Variants in ATM observed in about 807,000 individuals in gnomAD.
ATM encodes ATM serine/threonine kinase, also known as serine-protein kinase ATM.
ATM carries 308 observed loss-of-function variants against 387.0 expected under a neutral mutation model. The ratio of observed to expected loss-of-function variants is 0.80; its 90% CI spans 0.73 to 0.87. The LOEUF is 0.87. ATM is among the 40% of genes least tolerant of loss of function. ATM has a pLI of 0.00. For synonymous variants in ATM, 1,156 were observed against 1,187.3 expected, an observed-to-expected ratio of 0.97 and a Z score of 0.54; for missense variants, 3,312 against 3,560.9, an observed-to-expected ratio of 0.93 and a Z score of 1.78.
Position 108,247,085 on chromosome 11 carries a change from C to T in ATM, c.1023C>T (p.Val341=), listed in dbSNP as rs35728619. 9 of 1,613,502 alleles carry T rather than the reference C, an allele frequency of 5.6e-6. No individual in the cohort carries two copies. The highest frequency in any genetic ancestry group is 4.2e-6 in the Non-Finnish European group (5 of 1,179,856). Residue 341 remains valine (V), a synonymous_variant, in exon 8 of 63, where the codon GTC becomes GTT. Transcript: ENST00000675843. ...CTTCAGGATTTCGTAATATTGCCGT[C>T]AAAGAAAATTTGATTGAATTGATGG... is the stretch of plus-strand genomic sequence containing the variant. The part of the protein sequence containing the change: ...KYSSGFRNIA[V]KENLIELMAD...
chr11:108,348,463 T>C (rs1371653078), intron 59 of ATM, among the ~76,000 whole-genome samples: 1 of 151,352 alleles, frequency 6.6e-6, no homozygotes, highest in Non-Finnish European at 1.5e-5. Flanking sequence ...CTAAGAAATA[T>C]ATCAAGTTTT....
intron 39 of ATM, among the ~76,000 whole-genome samples, chr11:108,311,141 TA>T (rs996269101): frequency 6.6e-6 from 1 of 151,594 alleles, no homozygotes; most frequent in African/African-American, 2.4e-5. Flanking sequence ...TCATTTTTTT[TA>T]ATTTTTATTT....
Position 108,244,860 on chromosome 11 carries a change from C to T in ATM, c.735C>T (p.Val245=), listed in dbSNP as rs3218674. Residue 245 remains valine (V), a synonymous_variant, in exon 7 of 63, where the codon GTC becomes GTT. Coordinates refer to ENST00000675843, the MANE Select transcript of ATM (RefSeq NM_000051.4). ...ALTIFLKTLA[V]NFRIRVCELG... is the part of the protein sequence containing the mutation. ...CTATCTTCCTCAAGACTTTGGCTGT[C>T]AACTTTCGAATTCGAGTGTGTGAAT... is the stretch of plus-strand genomic sequence containing the variant. The T allele has an allele frequency of 0.012, 19,806 of 1,613,792 alleles. 185 individuals carry two copies. The highest frequency in any genetic ancestry group is 0.014 in the Non-Finnish European group (16,163 of 1,179,902).
At chr11:108,262,647 T>G (rs1357094738) in intron 16 of ATM, among the ~76,000 whole-genome samples, 1 of 152,028 alleles carries the variant, frequency 6.6e-6, no homozygotes, top group African/African-American at 2.4e-5. Flanking sequence ...TAACTTTAAA[T>G]GTAAATGGAC....
intron 33 of ATM, 57 bp downstream of exon 33, chr11:108,297,439 A>G: frequency 7.5e-7 from 1 of 1,332,046 alleles, no homozygotes; most frequent in Non-Finnish European, 1.1e-6. Flanking sequence ...CACATATAGG[A>G]CAGATTATAA....
At chr11:108,344,131 T>TGAA (rs1229175233) in intron 57 of ATM, among the ~76,000 whole-genome samples, 2 of 152,210 alleles carry the variant, frequency 1.3e-5, no homozygotes, top group African/African-American at 2.4e-5. Flanking sequence ...TTGTGCTTTC[T>TGAA]GTGACATGTT....
chr11:108,331,958 A>G lies in ATM; in HGVS notation c.7709A>G (p.Glu2570Gly), dbSNP rs28904920. The part of the protein sequence containing the change: ...ILALANANRD[E>G]FLTKPEVARR... ...GCCTTAGCAAATGCAAACAGAGATGAATTTCTGACTAAACCAGAGGTAGCC... is the reference window on the plus strand; with the variant it reads ...GCCTTAGCAAATGCAAACAGAGATGGATTTCTGACTAAACCAGAGGTAGCC... Residue 2570 changes from glutamate (E) to glycine (G), a missense_variant, in exon 52 of 63, where the codon GAA becomes GGA. Physicochemically the swap from Glu to Gly is moderately conservative, Grantham distance 98. This residue lies in a region of ATM where 1,405 missense variants were observed against 1,604.4 expected (regional missense o/e 0.88). Coordinates refer to ENST00000675843, the MANE Select transcript of ATM (RefSeq NM_000051.4). 3 of 1,614,112 alleles carry G rather than the reference A, an allele frequency of 1.9e-6. No homozygotes were observed. The South Asian group carries it at 3.3e-5, about 18-fold the overall frequency.
intron 59 of ATM, among the ~76,000 whole-genome samples, chr11:108,351,783 C>T (rs894618301): frequency 6.6e-6 from 1 of 152,212 alleles, no homozygotes; most frequent in African/African-American, 2.4e-5. Flanking sequence ...CCTGGTTCTT[C>T]CCTGTTTCTG....
rs1171764617 is a variant in ATM, at chr11:108,297,233, C to T, written c.4910-54C>T. 3 of 1,438,504 alleles carry T rather than the reference C, an allele frequency of 2.1e-6. No homozygotes were observed. The African/African-American group carries it at 4.3e-5, about 20-fold the overall frequency. 89.1% of individuals were successfully genotyped at this position (1,438,504 alleles called of 1,614,324 possible). A position where few individuals can be genotyped will look rare whatever the true frequency, so the allele number is the denominator to read the frequency against. On this transcript the variant is annotated intron_variant, in intron 32 of 62. Transcript: ENST00000675843. ...AATTTAATATATATGCAATTATAAA[C>T]AAAAGTGTTGTCTTCATGCTAGTTT... is the stretch of plus-strand genomic sequence containing the variant.
chr11:108,287,754 C>G, intron 27 of ATM, 39 bp downstream of exon 27: 1 of 1,414,376 alleles, frequency 7.1e-7, no homozygotes, highest in Non-Finnish European at 1.0e-6. Context: ...GCTCTAACTT[C>G]ACAAGTTTTT....
At chr11:108,311,957 A>G in intron 39 of ATM, among the ~76,000 whole-genome samples, 1 of 152,188 alleles carries the variant, frequency 6.6e-6, no homozygotes, top group East Asian at 1.9e-4. Context: ...TCTTGGTTTA[A>G]GTGGATCCTA....
rs2079754821 is a variant in ATM, at chr11:108,244,808, G to T, written c.683G>T (p.Gly228Val). ...QCARQEKSSS[G>V]LNHILAALTI... ...CACAGACAAGAAAAGAGCTCTTCAG[G>T]TCTAAATCATATCTTAGCAGCTCTT... Residue 228 changes from glycine (G) to valine (V), a missense_variant, in exon 7 of 63, where the codon GGT (glycine) becomes GTT (valine). Coordinates refer to ENST00000675843, the MANE Select transcript of ATM (RefSeq NM_000051.4). 1 of 1,613,680 alleles carries T rather than the reference G, an allele frequency of 6.2e-7. No individual in the cohort carries two copies. The highest frequency in any genetic ancestry group is 8.5e-7 in the Non-Finnish European group (1 of 1,179,868).
rs933604666 is a variant in ATM, at chr11:108,302,976, G to A, written c.5443G>A (p.Asp1815Asn). ...AAAGACACTGACTTGTGCTTTTTTG[G>A]ACAGTGGAGGCACAAAATGTGAAAT... is the stretch of plus-strand genomic sequence containing the variant. ...WIKTLTCAFL[D>N]SGGTKCEILQ... is the part of the protein sequence containing the mutation. The change falls in exon 36 of 63, where the codon GAC becomes AAC. Residue 1815 changes from aspartate to asparagine, a missense_variant. Coordinates refer to ENST00000675843, the MANE Select transcript of ATM (RefSeq NM_000051.4). The A allele has an allele frequency of 1.9e-6, 3 of 1,613,276 alleles. No homozygotes were observed. The highest frequency in any genetic ancestry group is 1.3e-5 in the African/African-American group (1 of 74,864).
At chr11:108,362,403 G>T (rs1001103038) in intron 61 of ATM, among the ~76,000 whole-genome samples, 89 of 151,984 alleles carry the variant, frequency 5.9e-4, no homozygotes, top group Admixed American at 1.6e-3. Context: ...ATTCCTCAGG[G>T]ATCTAGAATT....
chr11:108,299,761 A>G lies in ATM; in HGVS notation c.5053A>G (p.Thr1685Ala), dbSNP rs879254205. The G allele has an allele frequency of 3.7e-6, 6 of 1,613,998 alleles. No individual in the cohort carries two copies. Among genetic ancestry groups the G allele is most frequent in the East Asian group, 2.2e-5 (1 of 44,844 alleles). The change falls in exon 34 of 63, where the codon ACC (threonine) becomes GCC (alanine). Residue 1685 changes from threonine to alanine, a missense_variant. Around this residue, in one of 4 missense-constraint regions of ATM, gnomAD observed 1,405 missense variants for 1,604.4 expected, o/e 0.88. Coordinates refer to ENST00000675843, the MANE Select transcript of ATM (RefSeq NM_000051.4). ...LGEVGPIDFS[T>A]IAIQHSKDAS... The stretch of plus-strand genomic sequence containing the variant: ...AGAAGTGGGTCCTATAGATTTCTCT[A>G]CCATAGCTATACAACATAGTAAAGA...
intron 33 of ATM, 26 bp from the exon 34 acceptor site, chr11:108,299,688 T>C (rs1172330319): frequency 1.9e-6 from 3 of 1,610,006 alleles, no homozygotes; most frequent in Middle Eastern, 1.8e-4. Context: ...CCTATGACTC[T>C]ACTGAAATAG....
chr11:108,231,580 C>T (rs1413954379), intron 4 of ATM: 3 of 151,354 alleles, frequency 2.0e-5, no homozygotes, highest in East Asian at 1.9e-4. Context: ...CCTGTAATCC[C>T]AGCTTCTCGA....
rs587781366 is a variant in ATM, at chr11:108,251,853, T to G, written c.1624T>G (p.Leu542Val). ...TTGTTATAGTCCTGCAGTATGCTGT[T>G]TGACTTTGGCACTGACCACCAGTAT... is the stretch of plus-strand genomic sequence containing the variant. The part of the protein sequence containing the change: ...CRPSCPAVCC[L>V]TLALTTSIVP... Residue 542 changes from leucine to valine, a missense_variant, in exon 11 of 63, where the codon TTG becomes GTG. Transcript: ENST00000675843. The G allele has an allele frequency of 1.2e-6, 2 of 1,613,852 alleles. No individual in the cohort carries two copies. The highest frequency in any genetic ancestry group is 1.7e-6 in the Non-Finnish European group (2 of 1,179,796).
At chr11:108,239,349 C>A (rs1200504341) in intron 5 of ATM, among the ~76,000 whole-genome samples, 1 of 152,204 alleles carries the variant, frequency 6.6e-6, no homozygotes, top group Non-Finnish European at 1.5e-5. Flanking sequence ...AGCCACCTAA[C>A]CTATAATACT....
Sources: allele counts gnomAD v4.1 joint callset (sites outside exome capture counted in the v4.1 genomes callset), GRCh38; gene constraint gnomAD v4.1.1; regional missense constraint gnomAD v4.1.1; transcripts MANE v1.5; gene names NCBI Gene and HGNC (gene_info 2026-07-23, HGNC 2026-07-21).